The following FAR2 variants were observed in gnomAD, a reference collection of about 807,000 sequenced individuals.
FAR2 encodes fatty acyl-CoA reductase 2, also known as epididymis secretory protein Li 81.
FAR2 carries 19 observed loss-of-function variants against 56.0 expected under a neutral mutation model. That is an observed-to-expected ratio of 0.34 (90% confidence interval 0.24 to 0.50). The LOEUF (loss-of-function observed/expected upper bound fraction) is 0.50. Ranked by LOEUF, FAR2 falls within the 20% of genes least tolerant of loss-of-function variation. The probability of loss-of-function intolerance (pLI) is 0.98; values close to 1 mark genes in which losing one functional copy is unlikely to be tolerated. For missense variants in FAR2, 508 were observed against 642.2 expected (o/e 0.79, Z 2.26); for synonymous variants, 219 against 218.8 (o/e 1.00, Z -0.01).
chr12:29,253,844 G>A (rs1173219869), intron 1 of FAR2, among the ~76,000 whole-genome samples: 8 of 152,136 alleles, frequency 5.3e-5, no homozygotes, highest in African/African-American at 4.8e-5. Context: ...CATTGGCTAC[G>A]CTTAACATAG....
At chr12:29,332,576 T>C in intron 10 of FAR2, 24 bp from the exon 11 acceptor site, 3 of 1,613,094 alleles carry the variant, frequency 1.9e-6, no homozygotes, top group Non-Finnish European at 2.5e-6. Context: ...ATTCTGGCAA[T>C]CTATAATCTC....
chr12:29,258,881 A>G (rs7316026), intron 1 of FAR2, among the ~76,000 whole-genome samples: 85,308 of 152,050 alleles, frequency 0.56, 24,483 homozygotes, highest in African/African-American at 0.67. Flanking sequence ...GACACTGAAA[A>G]AAACTTGGTG....
At chr12:29,203,999 C>CAAAAAAA (rs34399942) in intron 1 of FAR2, among the ~76,000 whole-genome samples, 293 of 68,018 alleles carry the variant, frequency 4.3e-3, no homozygotes, top group East Asian at 8.6e-3. Flanking sequence ...GATTCCATCT[C>CAAAAAAA]AAAAAAAAAA....
At chr12:29,275,182 G>C (rs1001058645) in intron 2 of FAR2, among the ~76,000 whole-genome samples, 2 of 151,772 alleles carry the variant, frequency 1.3e-5, no homozygotes, top group Non-Finnish European at 2.9e-5. Flanking sequence ...AGGGAGACAG[G>C]GGTGGGGCCG....
chr12:29,287,528 T>TA (rs922760679), intron 2 of FAR2, among the ~76,000 whole-genome samples: 2 of 151,994 alleles, frequency 1.3e-5, no homozygotes, highest in Admixed American at 6.6e-5. Flanking sequence ...AAAAATTCTC[T>TA]AAAAAAAATT....
chr12:29,282,629 A>G (rs1408751829), intron 2 of FAR2, among the ~76,000 whole-genome samples: 2 of 152,206 alleles, frequency 1.3e-5, no homozygotes, highest in African/African-American at 4.8e-5. Context: ...CATAGTAACC[A>G]AAAATGTTAC....
At chr12:29,153,990 G>A (rs1199408544) in intron 1 of FAR2, among the ~76,000 whole-genome samples, 1 of 152,166 alleles carries the variant, frequency 6.6e-6, no homozygotes, top group African/African-American at 2.4e-5. Context: ...GCTGGGATGG[G>A]GTGAGAGAAA....
chr12:29,312,043 G>T, intron 8 of FAR2, 93 bp downstream of exon 8: 1 of 851,780 alleles, frequency 1.2e-6, no homozygotes, highest in Non-Finnish European at 1.9e-6. Context: ...AGCTTATATG[G>T]GGAGAAAGAC....
At chr12:29,232,152 T>C (rs1591873708) in intron 1 of FAR2, among the ~76,000 whole-genome samples, 1 of 152,106 alleles carries the variant, frequency 6.6e-6, no homozygotes, top group African/African-American at 2.4e-5. Flanking sequence ...TTGGTAGCAA[T>C]CCCAGACTAA....
chr12:29,264,690 G>C (rs1948484019), intron 1 of FAR2, among the ~76,000 whole-genome samples: 1 of 131,558 alleles, frequency 7.6e-6, no homozygotes, highest in Non-Finnish European at 1.7e-5. Flanking sequence ...AGAGGGAGAG[G>C]GAGAAAGAGA....
intron 4 of FAR2, 27 bp downstream of exon 4, chr12:29,297,227 G>T: frequency 6.3e-7 from 1 of 1,585,644 alleles, no homozygotes; most frequent in Non-Finnish European, 8.6e-7. Flanking sequence ...AAAGGATCAA[G>T]GGGCGGGTAG....
At chr12:29,297,817 G>A (rs546816939) in intron 4 of FAR2, among the ~76,000 whole-genome samples, 7 of 152,124 alleles carry the variant, frequency 4.6e-5, no homozygotes, top group Admixed American at 1.3e-4. Context: ...AGGCTGAGGC[G>A]GGTGGATCAC....
chr12:29,226,152 GC>G (rs1947765647), intron 1 of FAR2, among the ~76,000 whole-genome samples: 1 of 152,182 alleles, frequency 6.6e-6, no homozygotes, highest in Non-Finnish European at 1.5e-5. Flanking sequence ...CATAGTAAGT[GC>G]CCAATAAATG....
chr12:29,224,466 T>C (rs923011290), intron 1 of FAR2, among the ~76,000 whole-genome samples: 7 of 152,242 alleles, frequency 4.6e-5, no homozygotes, highest in African/African-American at 1.7e-4. Context: ...ATTTGATCAT[T>C]TTATTGAATT....
intron 1 of FAR2, among the ~76,000 whole-genome samples, chr12:29,269,259 G>A (rs1591912452): frequency 6.6e-6 from 1 of 152,144 alleles, no homozygotes; most frequent in Non-Finnish European, 1.5e-5. Flanking sequence ...CCTTCTCAGG[G>A]ATGTTCTTTG....
chr12:29,189,140 C>G (rs1243745378), intron 1 of FAR2, among the ~76,000 whole-genome samples: 1 of 152,188 alleles, frequency 6.6e-6, no homozygotes, highest in Non-Finnish European at 1.5e-5. Flanking sequence ...TCAGCCGCAT[C>G]TCCCGGAAAG....
intron 1 of FAR2, among the ~76,000 whole-genome samples, chr12:29,174,097 C>T (rs150953630): frequency 0.01 from 1,538 of 152,234 alleles, 15 homozygotes; most frequent in Middle Eastern, 0.024. Flanking sequence ...GGGCCATACC[C>T]CGAGGGAGGG....
chr12:29,256,709 C>T (rs1038672263), intron 1 of FAR2, among the ~76,000 whole-genome samples: 5 of 152,152 alleles, frequency 3.3e-5, no homozygotes, highest in Non-Finnish European at 7.4e-5. Context: ...TCCGGGTGGG[C>T]GTGGGCTTGG....
intron 4 of FAR2, among the ~76,000 whole-genome samples, chr12:29,300,176 C>G (rs1246437362): frequency 2.0e-5 from 3 of 152,196 alleles, no homozygotes; most frequent in Non-Finnish European, 4.4e-5. Flanking sequence ...TGACAGAATT[C>G]TGTAACAAGC....
Sources: gnomAD v4.1 joint callset for allele counts (sites outside exome capture counted in the v4.1 genomes callset) on GRCh38, gnomAD v4.1.1 for gene constraint, MANE v1.5 for transcripts, NCBI Gene and HGNC (gene_info 2026-07-23, HGNC 2026-07-21) for gene names.